Variants in CARF observed in about 807,000 individuals in gnomAD.
CARF encodes calcium responsive transcription factor.
CARF carries 57 observed loss-of-function variants against 82.0 expected under a neutral mutation model. The observed-to-expected ratio is 0.70, with a 90% confidence interval of 0.56 to 0.87. CARF has a LOEUF of 0.87. CARF is among the 40% of genes least tolerant of loss of function. The probability of loss-of-function intolerance (pLI) is 0.00; values close to 1 mark genes in which losing one functional copy is unlikely to be tolerated. For synonymous variants in CARF, 268 were observed against 290.1 expected (o/e 0.92, Z 0.77); for missense variants, 771 against 855.8 (o/e 0.90, Z 1.24).
At chr2:202,944,332 C>G (rs6722772) in intron 5 of CARF, among the ~76,000 whole-genome samples, 1 of 152,018 alleles carries the variant, frequency 6.6e-6, no homozygotes, top group African/African-American at 2.4e-5. Flanking sequence ...TTCTTGTTTA[C>G]TTGAATTTTC....
intron 6 of CARF, 21 bp downstream of exon 6, chr2:202,952,700 G>A (rs773907771): frequency 1.3e-6 from 2 of 1,590,572 alleles, no homozygotes; most frequent in Admixed American, 1.7e-5. Context: ...ACGGGATATA[G>A]GGGATTTGAG....
In CARF at chr2:202,942,813, C is replaced by T. The variant is rs1330310844; in HGVS notation, c.152C>T (p.Thr51Ile). Reference sequence around the variant, plus strand: ...TCTCCTACAGTTTTGCCCATCACTACTCGTGAAGCAAATAATTCACTCATA... The same window carrying T: ...TCTCCTACAGTTTTGCCCATCACTATTCGTGAAGCAAATAATTCACTCATA... ...NDSPTVLPITTREANNSLISQ... is the reference protein window; with the variant it reads ...NDSPTVLPITIREANNSLISQ... Residue 51 changes from threonine to isoleucine, a missense_variant, in exon 5 of 17, where the codon ACT becomes ATT. Transcript: ENST00000438828. The T allele has an allele frequency of 1.2e-6, 2 of 1,613,974 alleles. No individual in the cohort carries two copies. The highest frequency in any genetic ancestry group is 1.7e-6 in the Non-Finnish European group (2 of 1,179,966).
chr2:202,928,561 A>G (rs1157165906), intron 3 of CARF, among the ~76,000 whole-genome samples: 2 of 152,068 alleles, frequency 1.3e-5, no homozygotes, highest in Non-Finnish European at 2.9e-5. Flanking sequence ...TGTTTTTCAT[A>G]ATGGCTGTAC....
chr2:202,930,416 A>G (rs1435280713), intron 3 of CARF, among the ~76,000 whole-genome samples: 2 of 152,000 alleles, frequency 1.3e-5, no homozygotes, highest in Non-Finnish European at 2.9e-5. Flanking sequence ...CATTTTCATC[A>G]TTATTTCCTT....
At chr2:202,936,139 C>CT (rs1033728878) in intron 3 of CARF, among the ~76,000 whole-genome samples, 5 of 151,952 alleles carry the variant, frequency 3.3e-5, no homozygotes, top group Admixed American at 6.6e-5. Context: ...CCCAAAATTC[C>CT]TTTTTTTTCA....
intron 7 of CARF, among the ~76,000 whole-genome samples, chr2:202,955,201 T>A (rs1008105452): frequency 6.6e-5 from 10 of 152,174 alleles, no homozygotes; most frequent in Non-Finnish European, 1.3e-4. Flanking sequence ...TATGTATTGT[T>A]TATGTTATTT....
intron 9 of CARF, among the ~76,000 whole-genome samples, chr2:202,964,446 A>T (rs1464356370): frequency 6.6e-6 from 1 of 151,848 alleles, no homozygotes; most frequent in Admixed American, 6.6e-5. Flanking sequence ...TGCTCAGCTA[A>T]TTTTTGTATT....
At chr2:202,942,684 A>T (rs2058285875) in intron 4 of CARF, 56 bp from the exon 5 acceptor site, 5 of 1,320,780 alleles carry the variant, frequency 3.8e-6, no homozygotes, top group Admixed American at 2.6e-5. Flanking sequence ...TTTATTATAC[A>T]CATCTTTAAA....
At chr2:202,925,983 C>A (rs1376838620) in intron 3 of CARF, 2 of 157,158 alleles carry the variant, frequency 1.3e-5, no homozygotes, top group South Asian at 3.5e-4. Flanking sequence ...AGCTTAGACT[C>A]TGGCAGGGGC....
chr2:202,942,647 C>A, intron 4 of CARF, 93 bp from the exon 5 acceptor site: 2 of 1,106,544 alleles, frequency 1.8e-6, no homozygotes, highest in African/African-American at 1.6e-5. Flanking sequence ...AAAGTAAAAA[C>A]AACTGAAAAA....
intron 4 of CARF, 54 bp from the exon 5 acceptor site, chr2:202,942,686 A>G: frequency 7.5e-7 from 1 of 1,339,882 alleles, no homozygotes; most frequent in South Asian, 1.4e-5. Flanking sequence ...TATTATACAC[A>G]TCTTTAAAAA....
At chr2:202,932,747 C>T (rs1274557740) in intron 3 of CARF, among the ~76,000 whole-genome samples, 1 of 151,932 alleles carries the variant, frequency 6.6e-6, no homozygotes, top group East Asian at 1.9e-4. Flanking sequence ...GCAATGACTG[C>T]ACTCCCTACG....
chr2:202,931,764 C>T (rs746639548), intron 3 of CARF, among the ~76,000 whole-genome samples: 6 of 145,238 alleles, frequency 4.1e-5, no homozygotes, highest in African/African-American at 1.4e-4. Context: ...TAATTAATAA[C>T]GTCACCAATA....
chr2:202,975,193 C>T (rs752285653), intron 13 of CARF, among the ~76,000 whole-genome samples: 5 of 151,456 alleles, frequency 3.3e-5, no homozygotes, highest in African/African-American at 9.7e-5. Context: ...CAGTGGCTCA[C>T]GCCTGTAATC....
chr2:202,941,765 G>T, intron 3 of CARF, 95 bp from the exon 4 acceptor site: 2 of 577,084 alleles, frequency 3.5e-6, no homozygotes, highest in African/African-American at 1.9e-5. Flanking sequence ...ATTATATAGG[G>T]TACCACAGTA....
At chr2:202,936,433 A>T (rs1302532965) in intron 3 of CARF, among the ~76,000 whole-genome samples, 1 of 152,198 alleles carries the variant, frequency 6.6e-6, no homozygotes, top group East Asian at 1.9e-4. Flanking sequence ...AGTCCATTAT[A>T]CCTTCCCTCA....
At chr2:202,957,011 A>G (rs2059081115) in intron 8 of CARF, among the ~76,000 whole-genome samples, 1 of 151,376 alleles carries the variant, frequency 6.6e-6, no homozygotes, top group Admixed American at 6.6e-5. Flanking sequence ...CTGGTCTCGA[A>G]CTCCCGACCT....
intron 5 of CARF, among the ~76,000 whole-genome samples, chr2:202,951,116 G>A (rs751023680): frequency 1.3e-5 from 2 of 151,680 alleles, no homozygotes; most frequent in Non-Finnish European, 2.9e-5. Flanking sequence ...GCATGATCAC[G>A]GCTCACTGCA....
chr2:202,961,670 A>T (rs1476070168), intron 9 of CARF: 1 of 484,110 alleles, frequency 2.1e-6, no homozygotes, highest in Non-Finnish European at 3.6e-6. Flanking sequence ...AAAATAAAAT[A>T]TCGAAGTTTC....
Sources: gnomAD v4.1 joint callset for allele counts (sites outside exome capture counted in the v4.1 genomes callset) on GRCh38, gnomAD v4.1.1 for gene constraint, MANE v1.5 for transcripts, NCBI Gene and HGNC (gene_info 2026-07-23, HGNC 2026-07-21) for gene names.